LGMN: variants seen among roughly 807,000 people sequenced by gnomAD.
LGMN encodes the protein asparaginyl endopeptidase.
LGMN carries 36 observed loss-of-function variants against 56.8 expected under a neutral mutation model. The observed-to-expected ratio is 0.63, with a 90% CI of 0.49 to 0.84. LGMN has a LOEUF of 0.84. Among genes scored for constraint, LGMN ranks in the 40% least tolerant of loss-of-function variants. LGMN has a pLI of 0.00. For missense variants in LGMN, 446 were observed against 556.1 expected (o/e 0.80, Z 1.99); for synonymous variants, 199 against 210.1 (o/e 0.95, Z 0.46).
chr14:92,748,270 A>G (rs1402861674), intron 1 of LGMN, among the ~76,000 whole-genome samples: 2 of 151,032 alleles, frequency 1.3e-5, no homozygotes, highest in African/African-American at 4.9e-5. Context: ...AGAAACCTCC[A>G]CCCCCAGCCC....
intron 1 of LGMN, among the ~76,000 whole-genome samples, chr14:92,747,368 G>A (rs192762085): frequency 1.1e-4 from 16 of 152,220 alleles, no homozygotes; most frequent in Admixed American, 8.5e-4. Flanking sequence ...GCAGGTGCCT[G>A]TAATCCCAGA....
At chr14:92,735,213 A>G (rs1891243300) in intron 1 of LGMN, among the ~76,000 whole-genome samples, 1 of 151,954 alleles carries the variant, frequency 6.6e-6, no homozygotes, top group Non-Finnish European at 1.5e-5. Context: ...CTGAGACTGC[A>G]TTTCTTTTTT....
intron 2 of LGMN, among the ~76,000 whole-genome samples, chr14:92,719,173 A>G (rs1472803420): frequency 8.1e-5 from 10 of 123,962 alleles, no homozygotes; most frequent in East Asian, 5.4e-4. Context: ...CACCACCACC[A>G]CCACCACCAT....
intron 11 of LGMN, among the ~76,000 whole-genome samples, chr14:92,707,088 C>T (rs1313386807): frequency 6.6e-6 from 1 of 152,012 alleles, no homozygotes; most frequent in Non-Finnish European, 1.5e-5. Context: ...GAAGAAAATG[C>T]TTCTACACTA....
chr14:92,731,513 A>G (rs1891047268), intron 2 of LGMN, among the ~76,000 whole-genome samples: 1 of 152,210 alleles, frequency 6.6e-6, no homozygotes, highest in African/African-American at 2.4e-5. Context: ...CTATCTCTAT[A>G]GATTTTCCAA....
chr14:92,726,443 A>G (rs1430195390), intron 2 of LGMN, among the ~76,000 whole-genome samples: 1 of 151,990 alleles, frequency 6.6e-6, no homozygotes, highest in Non-Finnish European at 1.5e-5. Context: ...CCCTTTATAG[A>G]AAAAAACTCT....
intron 1 of LGMN, chr14:92,740,976 C>T (rs1469664146): frequency 6.6e-6 from 1 of 152,124 alleles, no homozygotes; most frequent in East Asian, 1.9e-4. Context: ...CACTTGACGC[C>T]AGGAGTTCGA....
At chr14:92,712,756 A>G (rs1381128278) in intron 8 of LGMN, 49 bp downstream of exon 8, 4 of 1,574,360 alleles carry the variant, frequency 2.5e-6, no homozygotes, top group Admixed American at 1.7e-5. Flanking sequence ...GCGGTGTCTG[A>G]GCAACCTGCT....
intron 2 of LGMN, among the ~76,000 whole-genome samples, chr14:92,723,451 T>C (rs1295739160): frequency 6.6e-6 from 1 of 152,262 alleles, no homozygotes. Context: ...TAACTAAAAA[T>C]TGGAAACAAC....
At chr14:92,746,967 C>T (rs1265279467) in intron 1 of LGMN, among the ~76,000 whole-genome samples, 2 of 142,768 alleles carry the variant, frequency 1.4e-5, no homozygotes, top group Non-Finnish European at 3.0e-5. Flanking sequence ...ACCTGGGAGG[C>T]GGAGCTTGCA....
At chr14:92,706,681 G>A (rs1267339143) in intron 11 of LGMN, 28 bp from the exon 12 acceptor site, 3 of 1,537,318 alleles carry the variant, frequency 2.0e-6, no homozygotes, top group Non-Finnish European at 2.7e-6. Flanking sequence ...CTGTCAGAAT[G>A]TGCCTCCCTG....
At chr14:92,730,786 A>G (rs1005215663) in intron 2 of LGMN, among the ~76,000 whole-genome samples, 1 of 152,008 alleles carries the variant, frequency 6.6e-6, no homozygotes. Context: ...TCTGCTAAAA[A>G]TACAAAAATT....
At position 92,711,824 on chromosome 14, in the gene LGMN, C is replaced by G. The variant is rs563139064; in HGVS notation, c.729+13G>C. ...TAAACCCCAGCTGAACAGCCAGCCC[C>G]CAAAGGGCTCACCACGTCCGAATCT... On this transcript the variant is annotated intron_variant, in intron 9 of 13. Transcript: ENST00000334869. 36 of 1,608,538 alleles carry G rather than the reference C, an allele frequency of 2.2e-5. No homozygotes were observed. The African/African-American group carries it at 4.1e-4, about 18-fold the overall frequency.
At chr14:92,709,607 T>C in intron 11 of LGMN, 65 bp downstream of exon 11, 11 of 1,330,272 alleles carry the variant, frequency 8.3e-6, no homozygotes, top group South Asian at 1.2e-5. Flanking sequence ...AGGGCCGTGC[T>C]CATGCATGCT....
Position 92,720,271 on chromosome 14 carries a change from T to G in LGMN, c.139-1427A>C, listed in dbSNP as rs190642323. ...TCTCGTTTAATTCTCACAGCAACCCTTGATGATAAAGGTAATGATCCCCAT... is the reference window on the plus strand; with the variant it reads ...TCTCGTTTAATTCTCACAGCAACCCGTGATGATAAAGGTAATGATCCCCAT... On this transcript the variant is annotated intron_variant, in intron 2 of 13. Transcript: ENST00000334869. 7.9e-5 allele frequency among the ~76,000 whole-genome samples: 12 copies of G among 152,304 alleles called. No individual in the cohort carries two copies. In the East Asian group the frequency reaches 2.3e-3, roughly 29 times the overall value.
intron 1 of LGMN, among the ~76,000 whole-genome samples, chr14:92,747,444 C>T (rs908614333): frequency 1.3e-4 from 19 of 151,030 alleles, no homozygotes. Flanking sequence ...GAGCCGAGAT[C>T]GCACCACTGC....
At chr14:92,747,643 C>G (rs181325555) in intron 1 of LGMN, among the ~76,000 whole-genome samples, 2 of 152,234 alleles carry the variant, frequency 1.3e-5, no homozygotes, top group Non-Finnish European at 2.9e-5. Context: ...GAACTGTTCA[C>G]TAGAGATTGT....
chr14:92,707,592 C>T (rs1889506596), intron 11 of LGMN, among the ~76,000 whole-genome samples: 1 of 152,202 alleles, frequency 6.6e-6, no homozygotes, highest in Admixed American at 6.5e-5. Context: ...TAAAGCAATG[C>T]CACTCTTCTC....
chr14:92,744,478 G>A (rs1033107935), intron 1 of LGMN, among the ~76,000 whole-genome samples: 3 of 151,762 alleles, frequency 2.0e-5, no homozygotes, highest in Admixed American at 2.0e-4. Flanking sequence ...CAAATTGGCT[G>A]TACTTTGCAG....
Sources: allele counts gnomAD v4.1 joint callset (sites outside exome capture counted in the v4.1 genomes callset), GRCh38; gene constraint gnomAD v4.1.1; transcripts MANE v1.5; gene names NCBI Gene and HGNC (gene_info 2026-07-23, HGNC 2026-07-21).